CENPE: variants seen among roughly 807,000 people sequenced by gnomAD.
The protein encoded by CENPE is centromere-associated protein E.
A neutral mutation model predicts 336.1 loss-of-function variants in CENPE; 145 were observed. The ratio of observed to expected loss-of-function variants is 0.43; its 90% confidence interval spans 0.38 to 0.50. The LOEUF is 0.50. Among genes scored for constraint, CENPE ranks in the 20% least tolerant of loss-of-function variants. The probability of loss-of-function intolerance (pLI) is 0.00; values close to 1 mark genes in which losing one functional copy is unlikely to be tolerated. For missense variants in CENPE, 2,719 were observed against 3,023.3 expected, an observed-to-expected ratio of 0.90 and a Z score of 2.36; for synonymous variants, 1,013 against 984.8, an observed-to-expected ratio of 1.03 and a Z score of -0.54.
chr4:103,144,690 T>C, intron 32 of CENPE, 72 bp from the exon 33 acceptor site: 1 of 999,386 alleles, frequency 1.0e-6, no homozygotes, highest in Non-Finnish European at 1.5e-6. Context: ...GTTCCTAAAA[T>C]AAGGCAATCA....
At chr4:103,144,939 C>A in intron 32 of CENPE, 111 bp downstream of exon 32, 1 of 979,210 alleles carries the variant, frequency 1.0e-6, no homozygotes. Flanking sequence ...CTTTTATTTC[C>A]GGTCCCTTTA....
intron 8 of CENPE, among the ~76,000 whole-genome samples, chr4:103,188,356 A>T (rs1756992095): frequency 6.6e-6 from 1 of 151,736 alleles, no homozygotes; most frequent in South Asian, 2.1e-4. Flanking sequence ...TTCTCAGCAC[A>T]TCACACTTAT....
intron 16 of CENPE, among the ~76,000 whole-genome samples, chr4:103,166,240 GC>G (rs770920676): frequency 7.2e-5 from 11 of 152,154 alleles, no homozygotes; most frequent in Non-Finnish European, 1.2e-4. Flanking sequence ...AATACAGGAA[GC>G]CCTGAGATTC....
In CENPE at chr4:103,194,454, G is replaced by T; in HGVS notation, c.560-13C>A. The T allele has an allele frequency of 6.3e-7, 1 of 1,583,042 alleles. No individual in the cohort carries two copies. The highest frequency in any genetic ancestry group is 8.6e-7 in the Non-Finnish European group (1 of 1,160,314). ...TAATGCCTGCTCTCTGTAAAAATGA[G>T]TTATATTTCAGCTGCATATATAATA... On this transcript the variant is annotated splice_polypyrimidine_tract_variant and intron_variant, in intron 6 of 48. Coordinates refer to ENST00000265148, the MANE Select transcript of CENPE (RefSeq NM_001813.3).
At chr4:103,160,498 G>T (rs1308981862) in intron 21 of CENPE, 127 bp downstream of exon 21, 3 of 669,220 alleles carry the variant, frequency 4.5e-6, no homozygotes, top group African/African-American at 3.8e-5. Context: ...TTTCTAACTA[G>T]TCAAAACGTT....
chr4:103,111,447 T>TCA (rs765499017), intron 46 of CENPE, among the ~76,000 whole-genome samples: 29 of 152,248 alleles, frequency 1.9e-4, no homozygotes, highest in Non-Finnish European at 4.0e-4. Flanking sequence ...CAATACATAT[T>TCA]ATTAACTAAA....
At chr4:103,128,549 A>T (rs981089854) in intron 42 of CENPE, among the ~76,000 whole-genome samples, 2 of 152,194 alleles carry the variant, frequency 1.3e-5, no homozygotes, top group Admixed American at 1.3e-4. Flanking sequence ...TCAGACCACA[A>T]TGGAATTAAA....
Position 103,132,717 on chromosome 4 carries a change from A to G in CENPE, c.6900T>C (p.Asn2300=), listed in dbSNP as rs1356484797. 6.5e-7 allele frequency: 1 copy of G among 1,545,702 alleles called. No homozygotes were observed. The change falls in exon 42 of 49, where the codon AAT becomes AAC. Residue 2300 remains asparagine, a synonymous_variant. Coordinates refer to ENST00000265148, the MANE Select transcript of CENPE (RefSeq NM_001813.3). ...QKENDRICQV[N]NFFNNRIIAI... is the part of the protein sequence containing the mutation. ...CAATTATTCTGTTATTAAAGAAGTT[A>G]TTCACTTGACAAATCCTATCATTTT...
In CENPE at chr4:103,158,819, T is replaced by C. The variant is rs768887592; in HGVS notation, c.2669A>G (p.Glu890Gly). ...REVQERLNEMEQLKEQLENRD... is the reference protein window; with the variant it reads ...REVQERLNEMGQLKEQLENRD... Reference sequence around the variant, plus strand: ...ATTTTCTAATTGTTCCTTCAGCTGTTCCATCTCATTTAGTCTTTCTTGAAC... The same window carrying C: ...ATTTTCTAATTGTTCCTTCAGCTGTCCCATCTCATTTAGTCTTTCTTGAAC... The change falls in exon 23 of 49, where the codon GAA becomes GGA. Residue 890 changes from glutamate (E) to glycine (G), a missense_variant. This residue lies in a region of CENPE where 2,437 missense variants were observed against 2,513.3 expected (regional missense o/e 0.97). Coordinates refer to ENST00000265148, the MANE Select transcript of CENPE (RefSeq NM_001813.3). The C allele has an allele frequency of 6.2e-7, 1 of 1,613,058 alleles. No individual in the cohort carries two copies. The highest frequency in any genetic ancestry group is 1.1e-5 in the South Asian group (1 of 90,974).
At position 103,161,292 on chromosome 4, in the gene CENPE, T is replaced by C. The variant is rs1043731240; in HGVS notation, c.1966-41A>G. On this transcript the variant is annotated intron_variant, in intron 19 of 48. Transcript: ENST00000265148. ...TTGCAAATGCACAAAAATACACTGA[T>C]CATTACAACTACTTTATTATAAATA... 2.5e-6 allele frequency: 4 copies of C among 1,604,410 alleles called. No individual in the cohort carries two copies. In the African/African-American group the frequency reaches 4.0e-5, roughly 16 times the overall value.
chr4:103,142,707 T>C (rs1205103183), intron 34 of CENPE, among the ~76,000 whole-genome samples: 1 of 152,156 alleles, frequency 6.6e-6, no homozygotes, highest in African/African-American at 2.4e-5. Context: ...CCTAAGATCA[T>C]TTTTTACTTT....
In CENPE at chr4:103,163,020, T is replaced by C. The variant is rs188639712; in HGVS notation, c.1842+117A>G. The stretch of plus-strand genomic sequence containing the variant: ...TTATTGACAGATTTAATGAAATATA[T>C]ATAAATTTATTACAACAATACACAG... On this transcript the variant is annotated intron_variant, in intron 18 of 48. Coordinates refer to ENST00000265148, the MANE Select transcript of CENPE (RefSeq NM_001813.3). 2.6e-5 allele frequency: 19 copies of C among 725,488 alleles called. No individual in the cohort carries two copies. In the East Asian group the frequency reaches 3.5e-4, roughly 13 times the overall value. 44.9% of individuals were successfully genotyped at this position (725,488 alleles called of 1,614,324 possible).
intron 47 of CENPE, among the ~76,000 whole-genome samples, chr4:103,110,212 C>T (rs764249183): frequency 4.6e-5 from 7 of 152,218 alleles, no homozygotes; most frequent in Middle Eastern, 3.4e-3. Context: ...TGCAATAAAA[C>T]GAGGTATGCC....
Position 103,174,820 on chromosome 4 carries a change from T to C in CENPE, c.1563A>G (p.Lys521=), listed in dbSNP as rs1427384895. The C allele has an allele frequency of 5.8e-6, 9 of 1,550,326 alleles. No homozygotes were observed. Among genetic ancestry groups the C allele is most frequent in the Non-Finnish European group, 7.0e-6 (8 of 1,147,820 alleles). The change falls in exon 16 of 49, where the codon AAA becomes AAG. Residue 521 remains lysine (K), a synonymous_variant. Transcript: ENST00000265148. ...CTTTTAATTTCAATTCCATTTCTTC[T>C]TTTTCTGTTCGTAGTTGTTCATAGT... The part of the protein sequence containing the change: ...VLDYEQLRTE[K]EEMELKLKEK...
chr4:103,161,290 G>T, intron 19 of CENPE, 39 bp from the exon 20 acceptor site: 3 of 1,603,336 alleles, frequency 1.9e-6, no homozygotes, highest in Middle Eastern at 1.7e-4. Flanking sequence ...AAAATACACT[G>T]ATCATTACAA....
intron 11 of CENPE, chr4:103,181,669 T>C (rs953550688): frequency 4.7e-5 from 16 of 340,464 alleles, no homozygotes; most frequent in Non-Finnish European, 8.5e-5. Context: ...AAAAAAGATA[T>C]ATTGAGAGAA....
At chr4:103,193,651 A>G (rs1757526768) in intron 8 of CENPE, among the ~76,000 whole-genome samples, 1 of 152,136 alleles carries the variant, frequency 6.6e-6, no homozygotes. Flanking sequence ...ATATTCGCTT[A>G]TTCAGCAAAT....
intron 42 of CENPE, 88 bp from the exon 43 acceptor site, chr4:103,123,177 T>C: frequency 1.0e-6 from 1 of 953,568 alleles, no homozygotes; most frequent in Non-Finnish European, 1.6e-6. Flanking sequence ...TGGTTTCAGT[T>C]ACCCTCAGTC....
At chr4:103,175,792 G>T (rs1489892780) in intron 15 of CENPE, among the ~76,000 whole-genome samples, 168 bp downstream of exon 15, 2 of 152,104 alleles carry the variant, frequency 1.3e-5, no homozygotes, top group African/African-American at 4.8e-5. Context: ...GAAATTTTTA[G>T]CCTTCCTCTA....
Sources: allele counts gnomAD v4.1 joint callset (sites outside exome capture counted in the v4.1 genomes callset), GRCh38; gene constraint gnomAD v4.1.1; regional missense constraint gnomAD v4.1.1; transcripts MANE v1.5; gene names NCBI Gene and HGNC (gene_info 2026-07-23, HGNC 2026-07-21).